FAM13B: variants seen among roughly 807,000 people sequenced by gnomAD.
FAM13B encodes the protein protein FAM13B.
FAM13B carries 60 observed loss-of-function variants against 117.3 expected under a neutral mutation model. The ratio of observed to expected loss-of-function variants is 0.51; its 90% CI spans 0.42 to 0.63. FAM13B has a LOEUF of 0.63. Among genes scored for constraint, FAM13B ranks in the 30% least tolerant of loss-of-function variants. The pLI is 0.00. For synonymous variants in FAM13B, 332 were observed against 356.1 expected, an observed-to-expected ratio of 0.93 and a Z score of 0.76; for missense variants, 972 against 1,091.9, an observed-to-expected ratio of 0.89 and a Z score of 1.55.
rs751682593 is a variant in FAM13B, at chr5:137,948,951, T to C, written c.2160+4A>G. On this transcript the variant is annotated splice_donor_region_variant and intron_variant, in intron 18 of 23. Transcript: ENST00000689681. ...TCTGGGCAAAAATCATAGCTCAAGA[T>C]TACCTTGATATCTTCTGGAAGACAC... The C allele has an allele frequency of 1.9e-6, 3 of 1,609,558 alleles. No homozygotes were observed. The highest frequency in any genetic ancestry group is 3.3e-5 in the Admixed American group (2 of 59,832).
intron 13 of FAM13B, among the ~76,000 whole-genome samples, chr5:137,958,136 C>T (rs910059501): frequency 3.3e-5 from 5 of 152,170 alleles, no homozygotes; most frequent in African/African-American, 7.2e-5. Flanking sequence ...GATGCTCTGT[C>T]GACCACCATT....
At chr5:138,011,309 C>T (rs1278026631) in intron 5 of FAM13B, among the ~76,000 whole-genome samples, 160 bp from the exon 6 acceptor site, 1 of 152,178 alleles carries the variant, frequency 6.6e-6, no homozygotes, top group African/African-American at 2.4e-5. Context: ...GTACCCTGTT[C>T]ACAAAAATGC....
intron 1 of FAM13B, among the ~76,000 whole-genome samples, chr5:138,043,508 C>T (rs1791557440): frequency 1.4e-5 from 2 of 147,032 alleles, no homozygotes; most frequent in Admixed American, 6.9e-5. Context: ...GGTGCGATCT[C>T]GGCTCACTGC....
chr5:138,029,028 A>C (rs1789202647), intron 1 of FAM13B, among the ~76,000 whole-genome samples: 1 of 147,892 alleles, frequency 6.8e-6, no homozygotes, highest in Admixed American at 6.7e-5. Flanking sequence ...CTCAAAAAAA[A>C]GAAAAAAAAA....
At chr5:138,040,797 C>T (rs900302614) in intron 1 of FAM13B, among the ~76,000 whole-genome samples, 3 of 152,068 alleles carry the variant, frequency 2.0e-5, no homozygotes, top group Admixed American at 2.0e-4. Flanking sequence ...GGCACAGTGG[C>T]TCACGCCTGT....
In FAM13B at chr5:137,941,957, G is replaced by A; in HGVS notation, c.2677C>T (p.Gln893Ter). ...TGCTCAACAAACCTTCCATTTTGTT[G>A]ATAAAATGCTTCTTCAAATTCCCGC... ...TLREFEEAFYQQNGRNAQKED... is the reference protein window; with the variant it reads ...TLREFEEAFY The change falls in exon 23 of 24, where the codon CAA becomes TAA. Residue 893 changes from glutamine (Q) to a stop codon, truncating the protein, a stop_gained. Transcript: ENST00000689681. LOFTEE classifies it high-confidence loss of function. The A allele has an allele frequency of 6.2e-7, 1 of 1,613,672 alleles. No individual in the cohort carries two copies. Among genetic ancestry groups the A allele is most frequent in the Non-Finnish European group, 8.5e-7 (1 of 1,179,748 alleles).
intron 10 of FAM13B, among the ~76,000 whole-genome samples, chr5:137,984,295 C>T (rs1249228272): frequency 6.6e-6 from 1 of 152,280 alleles, no homozygotes; most frequent in East Asian, 1.9e-4. Context: ...TAGTAGAAAT[C>T]TCCATTTCTA....
Position 138,047,550 on chromosome 5 carries a change from G to A in FAM13B, c.-203+4328C>T, listed in dbSNP as rs555199043. Among the ~76,000 whole-genome samples, 5 of 152,190 alleles carry A rather than the reference G, an allele frequency of 3.3e-5. No individual in the cohort carries two copies. In the East Asian group the frequency reaches 9.7e-4, roughly 29 times the overall value. Reference sequence around the variant, plus strand: ...GTCCACATTCTATTCCCTAGAACCTGTGAATATGTTACGGCACATAACAAA... The same window carrying A: ...GTCCACATTCTATTCCCTAGAACCTATGAATATGTTACGGCACATAACAAA... On this transcript the variant is annotated intron_variant, in intron 1 of 3. Coordinates refer to the FAM13B transcript ENST00000502471.
chr5:137,967,360 GT>G (rs1295880597), intron 10 of FAM13B, among the ~76,000 whole-genome samples: 2 of 151,904 alleles, frequency 1.3e-5, no homozygotes, highest in African/African-American at 4.8e-5. Context: ...CCGGTCTCTA[GT>G]AAAAATACAA....
intron 10 of FAM13B, among the ~76,000 whole-genome samples, chr5:137,964,698 G>A (rs1366759319): frequency 6.6e-6 from 1 of 152,044 alleles, no homozygotes; most frequent in Admixed American, 6.6e-5. Flanking sequence ...TCCAGTCTGG[G>A]TGACAGTACA....
Position 137,998,523 on chromosome 5 carries a change from T to C in FAM13B, c.848+8467A>G, listed in dbSNP as rs544631994. Among the ~76,000 whole-genome samples the C allele has an allele frequency of 3.3e-5, 5 of 152,302 alleles. No individual in the cohort carries two copies. In the East Asian group the frequency reaches 7.7e-4, roughly 23 times the overall value. On this transcript the variant is annotated intron_variant, in intron 7 of 23. Transcript: ENST00000689681. ...ACCATTTTTACTTGAAAGACTAACA[T>C]CTAAACCATGGTTATTAGGACTTGA...
At chr5:137,969,095 G>T (rs576841377) in intron 10 of FAM13B, among the ~76,000 whole-genome samples, 1 of 152,332 alleles carries the variant, frequency 6.6e-6, no homozygotes, top group South Asian at 2.1e-4. Context: ...GCTCTAACTG[G>T]GTGGAGCCCA....
intron 7 of FAM13B, among the ~76,000 whole-genome samples, chr5:138,000,939 A>AG (rs1781089856): frequency 1.2e-5 from 1 of 84,726 alleles, no homozygotes; most frequent in Non-Finnish European, 2.5e-5. Context: ...CAAAAAACAA[A>AG]AAACAAAAAA....
At chr5:137,954,480 A>G (rs1208579974) in intron 14 of FAM13B, 104 bp from the exon 15 acceptor site, 1 of 741,538 alleles carries the variant, frequency 1.3e-6, no homozygotes, top group Non-Finnish European at 2.2e-6. Flanking sequence ...ATCATTATGT[A>G]GTGGTTCATA....
intron 10 of FAM13B, 41 bp downstream of exon 10, chr5:137,985,216 T>G (rs758588885): frequency 6.3e-7 from 1 of 1,595,164 alleles, no homozygotes; most frequent in African/African-American, 1.3e-5. Flanking sequence ...CATGAAGCAA[T>G]CAAAGTTGTA....
chr5:138,010,359 A>C (rs1385089531), intron 6 of FAM13B, among the ~76,000 whole-genome samples: 1 of 152,186 alleles, frequency 6.6e-6, no homozygotes, highest in Non-Finnish European at 1.5e-5. Flanking sequence ...TAATACCAAC[A>C]CTTTGGAAGG....
rs1309520076 is a variant in FAM13B, at chr5:138,032,915, G to A, written c.-336C>T. The A allele has an allele frequency of 2.0e-6, 2 of 985,668 alleles. No homozygotes were observed. The highest frequency in any genetic ancestry group is 1.7e-5 in the African/African-American group (1 of 57,244). The allele number at this position is 985,668 out of a possible 1,614,324, so 61.1% of individuals were successfully genotyped here. A position where few individuals can be genotyped will look rare whatever the true frequency, so the allele number is the denominator to read the frequency against. ...CCTCTTCCTGGGGCGGCCGCTGACGGGAGGTTAAAGCTACGGCTGTGGCGC... is the reference window on the plus strand; with the variant it reads ...CCTCTTCCTGGGGCGGCCGCTGACGAGAGGTTAAAGCTACGGCTGTGGCGC... On this transcript the variant is annotated 5_prime_UTR_variant, in exon 1 of 24. Coordinates refer to ENST00000689681, the MANE Select transcript of FAM13B (RefSeq NM_001385994.1).
chr5:137,966,524 G>C (rs1769997863), intron 10 of FAM13B, among the ~76,000 whole-genome samples: 1 of 126,938 alleles, frequency 7.9e-6, no homozygotes, highest in Non-Finnish European at 1.7e-5. Context: ...GAGAGAGAGA[G>C]GGAAAGAGAG....
intron 9 of FAM13B, among the ~76,000 whole-genome samples, chr5:137,985,770 A>T (rs770149391): frequency 2.6e-5 from 4 of 152,210 alleles, no homozygotes; most frequent in Non-Finnish European, 4.4e-5. Context: ...TTATCAAGTA[A>T]AACAGAAATA....
Sources: allele counts gnomAD v4.1 joint callset (sites outside exome capture counted in the v4.1 genomes callset), GRCh38; gene constraint gnomAD v4.1.1; transcripts MANE v1.5; gene names NCBI Gene and HGNC (gene_info 2026-07-23, HGNC 2026-07-21).